Variants in CSNK1G1 observed in about 807,000 individuals in gnomAD.
CSNK1G1 encodes casein kinase 1 gamma 1, also known as casein kinase I isoform gamma-1.
Under a neutral mutation model 59.6 loss-of-function variants are expected in CSNK1G1, and 22 were observed. That is an observed-to-expected ratio of 0.37 (90% CI 0.26 to 0.53). The LOEUF is 0.53. CSNK1G1 is among the 20% of genes least tolerant of loss of function. The probability of loss-of-function intolerance (pLI) is 0.89; values close to 1 mark genes in which losing one functional copy is unlikely to be tolerated. For missense variants in CSNK1G1, 384 were observed against 519.5 expected (o/e 0.74, Z 2.54); for synonymous variants, 179 against 177.1 (o/e 1.01, Z -0.08).
At chr15:64,293,177 A>G (rs768094516) in intron 2 of CSNK1G1, among the ~76,000 whole-genome samples, 1 of 152,160 alleles carries the variant, frequency 6.6e-6, no homozygotes, top group Non-Finnish European at 1.5e-5. Context: ...TTTTCATCCC[A>G]TCATGTCCTC....
intron 2 of CSNK1G1, among the ~76,000 whole-genome samples, chr15:64,276,060 A>G (rs1314418893): frequency 6.6e-6 from 1 of 152,214 alleles, no homozygotes; most frequent in East Asian, 1.9e-4. Context: ...TGCTTCTAAC[A>G]TCTGAAAGTC....
chr15:64,197,885 C>T (rs551296351), intron 10 of CSNK1G1, among the ~76,000 whole-genome samples: 16 of 152,198 alleles, frequency 1.1e-4, no homozygotes, highest in Non-Finnish European at 1.5e-4. Context: ...CTCCTTTACT[C>T]GCATCATATA....
At chr15:64,290,618 G>A (rs188043590) in intron 2 of CSNK1G1, among the ~76,000 whole-genome samples, 25 of 152,010 alleles carry the variant, frequency 1.6e-4, no homozygotes, top group African/African-American at 5.8e-4. Context: ...TTATTTAATG[G>A]ATACAATGCA....
chr15:64,245,199 T>A (rs1433342861), intron 4 of CSNK1G1, among the ~76,000 whole-genome samples: 1 of 152,160 alleles, frequency 6.6e-6, no homozygotes, highest in Admixed American at 6.5e-5. Context: ...GGGCAAAATC[T>A]TTCAGGTAAG....
At chr15:64,274,383 C>A (rs74245428) in intron 2 of CSNK1G1, among the ~76,000 whole-genome samples, 7,242 of 152,122 alleles carry the variant, frequency 0.048, 182 homozygotes, top group South Asian at 0.078. Context: ...TAAAACCCTG[C>A]CCATTTAAAA....
At chr15:64,352,604 C>A (rs1389791908) in intron 1 of CSNK1G1, among the ~76,000 whole-genome samples, 1 of 150,362 alleles carries the variant, frequency 6.7e-6, no homozygotes, top group African/African-American at 2.4e-5. Context: ...CTCCATCATG[C>A]CTGACTAATG....
intron 2 of CSNK1G1, among the ~76,000 whole-genome samples, chr15:64,299,944 T>C (rs1368917685): frequency 2.0e-5 from 3 of 152,178 alleles, no homozygotes; most frequent in Non-Finnish European, 4.4e-5. Context: ...CAAGGCCTTA[T>C]GTCCTTCTTA....
At chr15:64,320,019 C>T (rs1336205632) in intron 1 of CSNK1G1, among the ~76,000 whole-genome samples, 3 of 148,166 alleles carry the variant, frequency 2.0e-5, no homozygotes, top group Admixed American at 6.9e-5. Flanking sequence ...ATCCTCCCAC[C>T]TCAGCCTCCT....
chr15:64,194,348 T>C (rs2082010898), intron 10 of CSNK1G1: 1 of 151,968 alleles, frequency 6.6e-6, no homozygotes, highest in Admixed American at 6.6e-5. Context: ...TCAGCTTTTT[T>C]TTTTTTTAAG....
intron 1 of CSNK1G1, among the ~76,000 whole-genome samples, chr15:64,341,888 G>C (rs1897699662): frequency 6.6e-6 from 1 of 152,192 alleles, no homozygotes; most frequent in Non-Finnish European, 1.5e-5. Flanking sequence ...AATTTAGTCA[G>C]CATGAGCAAG....
chr15:64,308,910 AT>A (rs1895841472), intron 1 of CSNK1G1, among the ~76,000 whole-genome samples: 1 of 140,660 alleles, frequency 7.1e-6, no homozygotes, highest in Non-Finnish European at 1.6e-5. Context: ...AAAAAAAAAA[AT>A]CCTTACATGG....
rs781185084 is a variant in CSNK1G1, at chr15:64,188,298, C to G, written c.1108-7844G>C. The stretch of plus-strand genomic sequence containing the variant: ...CTGTAAGCTTCCTTTCTAAGGCTGC[C>G]GAAGGTTCAGAAGCAAGCCAACATT... On this transcript the variant is annotated intron_variant, in intron 10 of 11. Transcript: ENST00000303052. This position sits in a 1 kb window ranked among gnomAD's most constrained non-coding sequence, Gnocchi z 4.2. 19 of 1,062,082 alleles carry G rather than the reference C, an allele frequency of 1.8e-5. No homozygotes were observed. Among genetic ancestry groups the G allele is most frequent in the Non-Finnish European group, 2.4e-5 (18 of 741,812 alleles). 65.8% of individuals were successfully genotyped at this position (1,062,082 alleles called of 1,614,324 possible). A position where few individuals can be genotyped will look rare whatever the true frequency, so the allele number is the denominator to read the frequency against.
intron 2 of CSNK1G1, among the ~76,000 whole-genome samples, chr15:64,278,951 A>G (rs1399471694): frequency 6.6e-6 from 1 of 152,274 alleles, no homozygotes; most frequent in East Asian, 1.9e-4. Flanking sequence ...AATTTCCTAA[A>G]GGGTCTGGCA....
intron 1 of CSNK1G1, among the ~76,000 whole-genome samples, chr15:64,309,588 A>C (rs1407167758): frequency 6.6e-6 from 1 of 152,220 alleles, no homozygotes; most frequent in Non-Finnish European, 1.5e-5. Context: ...ACTACAATGC[A>C]CTGTGATTAG....
intron 2 of CSNK1G1, among the ~76,000 whole-genome samples, chr15:64,286,361 T>TTATTGTTAACAATATTGTTAACAATA (rs764852917): frequency 0.042 from 6,300 of 150,486 alleles, 182 homozygotes; most frequent in South Asian, 0.077. Context: ...TGTTAACATG[T>TTATTGTTAACAATATTGTTAACAATA]TATTGTTAAC....
intron 1 of CSNK1G1, among the ~76,000 whole-genome samples, chr15:64,351,823 A>G (rs967937867): frequency 2.6e-5 from 4 of 152,136 alleles, no homozygotes; most frequent in African/African-American, 9.7e-5. Context: ...AGGCTGCAGT[A>G]AGCTGAGCCT....
chr15:64,206,321 T>G (rs947280056), intron 7 of CSNK1G1, among the ~76,000 whole-genome samples: 1 of 152,052 alleles, frequency 6.6e-6, no homozygotes, highest in Non-Finnish European at 1.5e-5. Context: ...GTGCCTGTAG[T>G]CCCAGCTACT....
intron 3 of CSNK1G1, among the ~76,000 whole-genome samples, chr15:64,252,320 C>T (rs562451230): frequency 6.6e-6 from 1 of 152,066 alleles, no homozygotes; most frequent in Admixed American, 6.6e-5. Context: ...AAGTCATCCT[C>T]CTATCTTAGC....
intron 1 of CSNK1G1, among the ~76,000 whole-genome samples, chr15:64,336,663 TATAAC>T (rs1401203152): frequency 6.6e-6 from 1 of 152,116 alleles, no homozygotes; most frequent in African/African-American, 2.4e-5. Context: ...CTGACATAGA[TATAAC>T]AAACTAGAAA....
Sources: allele counts gnomAD v4.1 joint callset (sites outside exome capture counted in the v4.1 genomes callset), GRCh38; gene constraint gnomAD v4.1.1; non-coding constraint Gnocchi (gnomAD v3.1); transcripts MANE v1.5; gene names NCBI Gene and HGNC (gene_info 2026-07-23, HGNC 2026-07-21).